TRMT2B: variants seen among roughly 807,000 people sequenced by gnomAD.
The protein encoded by TRMT2B is tRNA (uracil-5-)-methyltransferase homolog B.
Under a neutral mutation model 39.7 loss-of-function variants are expected in TRMT2B, and 34 were observed. The observed-to-expected ratio is 0.86, with a 90% CI of 0.65 to 1.14. TRMT2B has a LOEUF of 1.14. Ranked by LOEUF, TRMT2B falls within the 50% of genes most tolerant of loss-of-function variation. The pLI is 0.00. For missense variants in TRMT2B, 318 were observed against 377.2 expected, an observed-to-expected ratio of 0.84 and a Z score of 1.30; for synonymous variants, 132 against 137.3, an observed-to-expected ratio of 0.96 and a Z score of 0.27.
chrX:100,997,396 T>G, the TRMT2B span, among the ~76,000 whole-genome samples: 1 of 112,106 alleles, frequency 8.9e-6, no homozygotes, highest in Admixed American at 9.5e-5. Flanking sequence ...CACATTAACA[T>G]TATCATCATA....
chrX:100,975,360 A>C, the TRMT2B span, among the ~76,000 whole-genome samples: 1 of 111,639 alleles, frequency 9.0e-6, no homozygotes, highest in Non-Finnish European at 1.9e-5. Context: ...TGACCTCAGG[A>C]AAGCCTTCCC....
rs758114555 is a variant in TRMT2B, at chrX:101,032,316, G to A, written c.609+3297C>T. Among the ~76,000 whole-genome samples the A allele has an allele frequency of 1.4e-4, 15 of 104,861 alleles. No individual in the cohort carries two copies. In the East Asian group the frequency reaches 2.8e-3, roughly 19 times the overall value. The allele number at this position is 104,861 out of a possible 115,157, so 91.1% of individuals were successfully genotyped here. ...AAATTCAGGAAGAGGGGCTGGGTGC[G>A]GTGGCTCACACCTGTAATCCCAGCA... On this transcript the variant is annotated intron_variant, in intron 7 of 13. Coordinates refer to ENST00000372936, the MANE Select transcript of TRMT2B (RefSeq NM_024917.6).
At chrX:101,024,869 C>T (rs1049241543) in intron 7 of TRMT2B, among the ~76,000 whole-genome samples, 2 of 109,550 alleles carry the variant, frequency 1.8e-5, no homozygotes, top group African/African-American at 3.3e-5. Context: ...TGGTGACACA[C>T]GCCTGTAGCC....
At chrX:100,987,406 T>G in the TRMT2B span, 8 of 1,210,455 alleles carry the variant, frequency 6.6e-6, no homozygotes, top group Non-Finnish European at 8.9e-6. Flanking sequence ...TGTTCAGCCA[T>G]CAGAAACCTT....
At chrX:100,990,058 T>C in the TRMT2B span, among the ~76,000 whole-genome samples, 1 of 112,884 alleles carries the variant, frequency 8.9e-6, no homozygotes. Flanking sequence ...AGAGAATGGA[T>C]ACCTGGGACA....
At chrX:101,025,959 A>AAAAG (rs1299794531) in intron 7 of TRMT2B, among the ~76,000 whole-genome samples, 113 of 107,163 alleles carry the variant, frequency 1.1e-3, no homozygotes, top group African/African-American at 3.6e-3. Flanking sequence ...AAAGAGAAAG[A>AAAAG]AAAGAAAGAA....
downstream of TRMT2B, among the ~76,000 whole-genome samples, chrX:101,007,265 G>A (rs2086116182): frequency 1.8e-5 from 2 of 112,067 alleles, no homozygotes; most frequent in Non-Finnish European, 1.9e-5. Flanking sequence ...TCAGGGAAAG[G>A]AATCCAATAT....
At chrX:101,004,290 C>T in the TRMT2B span, among the ~76,000 whole-genome samples, 1 of 103,819 alleles carries the variant, frequency 9.6e-6, no homozygotes, top group Admixed American at 1.0e-4. Context: ...ACAACAACAA[C>T]AAACCCTCAA....
In TRMT2B at chrX:101,051,500, A is replaced by G. The variant is rs1943204727; in HGVS notation, c.-273T>C. 1 of 752,771 alleles carries G rather than the reference A, an allele frequency of 1.3e-6. No individual in the cohort carries two copies. The highest frequency in any genetic ancestry group is 8.8e-5 in the Admixed American group (1 of 11,311). 62.0% of individuals were successfully genotyped at this position (752,771 alleles called of 1,213,427 possible). On this transcript the variant is annotated 5_prime_UTR_variant, in exon 2 of 14. Transcript: ENST00000372936. ...CTTCTTCTTTAGGCAAGTTCTGCCC[A>G]CTGTGTCTGTAGGAAGGGTTAACAA...
At chrX:101,002,592 CA>C in the TRMT2B span, among the ~76,000 whole-genome samples, 2 of 110,656 alleles carry the variant, frequency 1.8e-5, no homozygotes, top group African/African-American at 6.6e-5. Context: ...CCAGCCTGGC[CA>C]ACATGGTGAA....
chrX:101,019,777 C>T (rs1211912829), intron 11 of TRMT2B, among the ~76,000 whole-genome samples: 3 of 108,878 alleles, frequency 2.8e-5, no homozygotes, highest in African/African-American at 6.7e-5. Context: ...GGATTACAGG[C>T]GCCTGCCACC....
the TRMT2B span, among the ~76,000 whole-genome samples, chrX:100,992,012 T>A: frequency 1.8e-5 from 2 of 111,428 alleles, no homozygotes; most frequent in Non-Finnish European, 3.8e-5. Context: ...AATCATCTAT[T>A]GTATACTTCA....
intron 13 of TRMT2B, among the ~76,000 whole-genome samples, chrX:101,014,596 G>A (rs893037735): frequency 3.6e-5 from 4 of 109,884 alleles, no homozygotes; most frequent in Admixed American, 3.0e-4. Flanking sequence ...GTGAAGTTGA[G>A]TGATCACAGC....
At chrX:101,044,072 T>C (rs1469487864) in intron 2 of TRMT2B, among the ~76,000 whole-genome samples, 1 of 109,078 alleles carries the variant, frequency 9.2e-6, no homozygotes, top group Non-Finnish European at 1.9e-5. Context: ...TGAAACCCCG[T>C]CTCTACTAAA....
intron 13 of TRMT2B, 91 bp from the exon 14 acceptor site, chrX:101,010,798 G>C: frequency 1.1e-6 from 1 of 893,429 alleles, no homozygotes; most frequent in South Asian, 3.0e-5. Context: ...CTTCCACTGT[G>C]TTCCCACAGG....
At chrX:100,991,626 G>C in the TRMT2B span, among the ~76,000 whole-genome samples, 1 of 111,615 alleles carries the variant, frequency 9.0e-6, no homozygotes, top group South Asian at 3.8e-4. Context: ...CGCCCGCCTC[G>C]GCCTCCCAAA....
At chrX:100,995,699 C>T in the TRMT2B span, among the ~76,000 whole-genome samples, 10 of 111,758 alleles carry the variant, frequency 8.9e-5, no homozygotes, top group South Asian at 3.7e-4. Context: ...AAAATAAGCC[C>T]GGTCCTAACA....
intron 7 of TRMT2B, among the ~76,000 whole-genome samples, chrX:101,027,385 A>C (rs1455295333): frequency 8.5e-5 from 9 of 106,508 alleles, no homozygotes; most frequent in South Asian, 8.6e-4. Context: ...GCGCACGCCA[A>C]CAAGCCCAGC....
rs185105415 is a variant in TRMT2B at position 101,034,086 on chromosome X, C to T, written c.609+1527G>A. Among the ~76,000 whole-genome samples, 3 of 110,081 alleles carry T rather than the reference C, an allele frequency of 2.7e-5. No homozygotes were observed. In the East Asian group the frequency reaches 8.5e-4, roughly 31 times the overall value. ...TGAACTCCTGACCTCAGGTGATCTG[C>T]CCGCCTCGGCCTCCCAAAGTGCTGA... On this transcript the variant is annotated intron_variant, in intron 7 of 13. Transcript: ENST00000372936.
Sources: allele counts gnomAD v4.1 joint callset (sites outside exome capture counted in the v4.1 genomes callset), GRCh38; gene constraint gnomAD v4.1.1; transcripts MANE v1.5; gene names NCBI Gene and HGNC (gene_info 2026-07-23, HGNC 2026-07-21).